The following PRKG1 variants were observed in gnomAD, a reference collection of about 807,000 sequenced individuals.
PRKG1 encodes the protein protein kinase cGMP-dependent 1.
Under a neutral mutation model 88.1 loss-of-function variants are expected in PRKG1, and 35 were observed. The observed-to-expected ratio is 0.40, with a 90% CI of 0.30 to 0.53. PRKG1 has a LOEUF of 0.53. Among genes scored for constraint, PRKG1 ranks in the 20% least tolerant of loss-of-function variants. PRKG1 has a pLI of 0.59. For synonymous variants in PRKG1, 303 were observed against 292.5 expected, an observed-to-expected ratio of 1.04 and a Z score of -0.37; for missense variants, 540 against 839.8, an observed-to-expected ratio of 0.64 and a Z score of 4.41.
intron 4 of PRKG1, among the ~76,000 whole-genome samples, chr10:51,862,811 A>G (rs1365929604): frequency 6.6e-6 from 1 of 152,136 alleles, no homozygotes; most frequent in Non-Finnish European, 1.5e-5. Flanking sequence ...GTATTTTTAT[A>G]GCAATATGGG....
intron 2 of PRKG1, among the ~76,000 whole-genome samples, chr10:51,361,578 T>A (rs1842481621): frequency 6.6e-6 from 1 of 151,542 alleles, no homozygotes; most frequent in Non-Finnish European, 1.5e-5. Context: ...ATTTAAGAGG[T>A]TTTTTCTTCT....
At chr10:51,736,600 T>C (rs932835557) in intron 3 of PRKG1, among the ~76,000 whole-genome samples, 4 of 150,672 alleles carry the variant, frequency 2.7e-5, no homozygotes, top group Admixed American at 6.6e-5. Flanking sequence ...CATAAATCCA[T>C]CTTACTTTTT....
At chr10:52,067,207 T>C (rs1482573892) in intron 7 of PRKG1, among the ~76,000 whole-genome samples, 1 of 152,216 alleles carries the variant, frequency 6.6e-6, no homozygotes, top group African/African-American at 2.4e-5. Context: ...ATAGTTTTTA[T>C]ACTTGGAATA....
chr10:51,425,822 A>C (rs1838563487), intron 2 of PRKG1, among the ~76,000 whole-genome samples: 1 of 152,362 alleles, frequency 6.6e-6, no homozygotes, highest in African/African-American at 2.4e-5. Context: ...TGTCATTTGC[A>C]TCTGTCTTCC....
chr10:51,799,485 G>A (rs763713046), intron 3 of PRKG1, among the ~76,000 whole-genome samples: 4 of 151,804 alleles, frequency 2.6e-5, no homozygotes, highest in Non-Finnish European at 4.4e-5. Context: ...TGTGGTGGTG[G>A]TAGGATAACC....
At chr10:51,228,034 G>A (rs111680681) in intron 2 of PRKG1, among the ~76,000 whole-genome samples, 3 of 152,014 alleles carry the variant, frequency 2.0e-5, no homozygotes, top group African/African-American at 7.2e-5. Flanking sequence ...AGAATCTCAG[G>A]GAAGCATTCA....
At chr10:51,449,072 T>C (rs74132280) in intron 2 of PRKG1, among the ~76,000 whole-genome samples, 40,924 of 151,534 alleles carry the variant, frequency 0.27, 5,966 homozygotes, top group Middle Eastern at 0.32. Flanking sequence ...TCACCTAATA[T>C]AAATAGCCAT....
intron 3 of PRKG1, among the ~76,000 whole-genome samples, chr10:51,642,149 T>A (rs1056756864): frequency 6.6e-6 from 1 of 152,152 alleles, no homozygotes; most frequent in African/African-American, 2.4e-5. Context: ...CCCAGCACTT[T>A]GGGAGGCCAA....
At chr10:51,267,642 C>T (rs4469835) in intron 2 of PRKG1, among the ~76,000 whole-genome samples, 2 of 152,092 alleles carry the variant, frequency 1.3e-5, no homozygotes, top group African/African-American at 4.8e-5. Context: ...CATCTCTCAC[C>T]TTATATAAAA....
rs1014705549 is a variant in PRKG1, at chr10:51,416,001, G to A, written c.479-51722G>A. On this transcript the variant is annotated intron_variant, in intron 2 of 17. Coordinates refer to ENST00000373980, the MANE Select transcript of PRKG1 (RefSeq NM_006258.4). ...TATACACAGGCACCACAAAGATTTC[G>A]TTGTCCTCAGAATTTATTAGAACTC... Among the ~76,000 whole-genome samples, 8 of 151,412 alleles carry A rather than the reference G, an allele frequency of 5.3e-5. No individual in the cohort carries two copies. The East Asian group carries it at 7.8e-4, about 15-fold the overall frequency.
At chr10:52,215,898 A>G (rs866343697) in intron 9 of PRKG1, among the ~76,000 whole-genome samples, 15 of 152,206 alleles carry the variant, frequency 9.9e-5, no homozygotes, top group Non-Finnish European at 1.5e-4. Context: ...GAACAAAACC[A>G]CAAAGGCCTA....
At chr10:51,126,547 A>G (rs897556617) in intron 1 of PRKG1, among the ~76,000 whole-genome samples, 1 of 148,410 alleles carries the variant, frequency 6.7e-6, no homozygotes, top group Non-Finnish European at 1.5e-5. Flanking sequence ...TAAAAATTAT[A>G]TAATTTGTAG....
intron 2 of PRKG1, among the ~76,000 whole-genome samples, chr10:51,289,156 C>T: frequency 6.6e-6 from 1 of 152,080 alleles, no homozygotes; most frequent in East Asian, 1.9e-4. Flanking sequence ...ATGAATGTGT[C>T]CTAACAAGTC....
intron 3 of PRKG1, among the ~76,000 whole-genome samples, chr10:51,501,222 T>C (rs968889907): frequency 6.6e-6 from 1 of 152,156 alleles, no homozygotes; most frequent in Non-Finnish European, 1.5e-5. Flanking sequence ...ATTATAGCAG[T>C]ATTGGGGGCC....
intron 9 of PRKG1, among the ~76,000 whole-genome samples, chr10:52,215,906 C>T (rs1489945892): frequency 6.6e-6 from 1 of 152,076 alleles, no homozygotes; most frequent in African/African-American, 2.4e-5. Flanking sequence ...CCACAAAGGC[C>T]TAACTTGAAG....
intron 1 of PRKG1, among the ~76,000 whole-genome samples, chr10:51,033,031 CT>C (rs1363431342): frequency 1.3e-5 from 2 of 152,054 alleles, no homozygotes; most frequent in African/African-American, 2.4e-5. Flanking sequence ...AACTACTCTG[CT>C]TTTTTTCTTC....
At chr10:51,666,438 G>T (rs537695790) in intron 3 of PRKG1, among the ~76,000 whole-genome samples, 1 of 152,344 alleles carries the variant, frequency 6.6e-6, no homozygotes, top group Non-Finnish European at 1.5e-5. Context: ...AGAACTAAAA[G>T]TGAGTGAATC....
At chr10:51,016,808 A>G (rs1843072673) in intron 1 of PRKG1, among the ~76,000 whole-genome samples, 1 of 150,664 alleles carries the variant, frequency 6.6e-6, no homozygotes. Context: ...AGCTGGGACT[A>G]CAAGTGTTTG....
intron 4 of PRKG1, among the ~76,000 whole-genome samples, chr10:51,877,438 T>C (rs145980848): frequency 6.6e-6 from 1 of 152,346 alleles, no homozygotes; most frequent in East Asian, 1.9e-4. Flanking sequence ...TTGCCTTGCT[T>C]ATCAGTGCAA....
Sources: allele counts gnomAD v4.1 joint callset (sites outside exome capture counted in the v4.1 genomes callset), GRCh38; gene constraint gnomAD v4.1.1; transcripts MANE v1.5; gene names NCBI Gene and HGNC (gene_info 2026-07-23, HGNC 2026-07-21).